ATXN7L1: variants seen among roughly 807,000 people sequenced by gnomAD.
ATXN7L1 encodes ataxin 7 like 1, also known as ataxin-7-like protein 1.
Under a neutral mutation model 70.8 loss-of-function variants are expected in ATXN7L1, and 15 were observed. That is an observed-to-expected ratio of 0.21 (90% CI 0.14 to 0.33). The LOEUF (loss-of-function observed/expected upper bound fraction) is 0.33. Ranked by LOEUF, ATXN7L1 falls within the 10% of genes least tolerant of loss-of-function variation. The pLI, the probability that ATXN7L1 is intolerant of heterozygous loss-of-function variation, is 1.00. For missense variants in ATXN7L1, 975 were observed against 1,097.1 expected, an observed-to-expected ratio of 0.89 and a Z score of 1.57; for synonymous variants, 440 against 445.1, an observed-to-expected ratio of 0.99 and a Z score of 0.14.
intron 3 of ATXN7L1, among the ~76,000 whole-genome samples, chr7:105,723,019 T>C (rs1012774127): frequency 8.5e-5 from 13 of 152,214 alleles, no homozygotes; most frequent in Admixed American, 7.2e-4. Context: ...AAGACCAGCC[T>C]GGGCAACATA....
chr7:105,641,214 CTTTTTTTTTTTTTTTTTT>C (rs561100060), intron 5 of ATXN7L1, among the ~76,000 whole-genome samples: 8 of 21,794 alleles, frequency 3.7e-4, no homozygotes, highest in East Asian at 3.2e-3. Context: ...CTCTCTCTCT[CTTTTTTTTTTTTTTTTTT>C]TTTTTTTTTT....
In ATXN7L1 at chr7:105,667,647, C is replaced by T. The variant is rs1021791773; in HGVS notation, c.356-2359G>A. 1.1e-3 allele frequency among the ~76,000 whole-genome samples: 102 copies of T among 94,270 alleles called. 8 individuals carry two copies. Among genetic ancestry groups the T allele is most frequent in the Non-Finnish European group, 1.8e-3 (78 of 43,414 alleles). 61.8% of individuals were successfully genotyped at this position (94,270 alleles called of 152,430 possible). ...CCGGGAGGCGGAGCTTGCGGTGAGC[C>T]GAGATCCCGCCACTGCACTCCAGCC... On this transcript the variant is annotated intron_variant, in intron 3 of 11. Coordinates refer to ENST00000419735, the MANE Select transcript of ATXN7L1 (RefSeq NM_020725.2).
chr7:105,822,736 T>C (rs1349831267), intron 2 of ATXN7L1, among the ~76,000 whole-genome samples: 1 of 152,218 alleles, frequency 6.6e-6, no homozygotes, highest in Non-Finnish European at 1.5e-5. Context: ...CAGTATCTCA[T>C]AGCTAAGCAA....
chr7:105,623,345 T>C (rs1249226184), intron 8 of ATXN7L1, among the ~76,000 whole-genome samples: 1 of 152,164 alleles, frequency 6.6e-6, no homozygotes, highest in African/African-American at 2.4e-5. Context: ...GGCTCTGCAA[T>C]GGCAGCACCA....
chr7:105,691,668 AAAAAGAAAAAAAAAAAG>A (rs1308186392), intron 3 of ATXN7L1: 27 of 151,860 alleles, frequency 1.8e-4, no homozygotes, highest in African/African-American at 6.3e-4. Context: ...TAAAAAAAAA[AAAAAGAAAAAAAAAAAG>A]AGAGAGAGAG....
At chr7:105,680,074 T>TAA (rs35358930) in intron 3 of ATXN7L1, among the ~76,000 whole-genome samples, 6 of 133,404 alleles carry the variant, frequency 4.5e-5, no homozygotes, top group Non-Finnish European at 6.5e-5. Flanking sequence ...TGCCTTTTAG[T>TAA]AAAAAAAAAA....
intron 3 of ATXN7L1, among the ~76,000 whole-genome samples, chr7:105,676,864 C>A (rs1244492455): frequency 1.3e-5 from 2 of 151,916 alleles, no homozygotes; most frequent in African/African-American, 2.4e-5. Context: ...AAACAAAAAA[C>A]CCCCCAAAAC....
intron 4 of ATXN7L1, among the ~76,000 whole-genome samples, chr7:105,656,847 C>T (rs533861760): frequency 3.9e-5 from 6 of 152,274 alleles, no homozygotes; most frequent in Admixed American, 3.9e-4. Context: ...GAATTACAGG[C>T]GTGAGCCACC....
intron 3 of ATXN7L1, among the ~76,000 whole-genome samples, chr7:105,737,892 G>A (rs1293114493): frequency 6.6e-6 from 1 of 152,128 alleles, no homozygotes; most frequent in Non-Finnish European, 1.5e-5. Context: ...GAGACTTGGG[G>A]CCATGAGTTC....
At chr7:105,850,946 T>C (rs1160896589) in intron 2 of ATXN7L1, among the ~76,000 whole-genome samples, 1 of 152,154 alleles carries the variant, frequency 6.6e-6, no homozygotes, top group Non-Finnish European at 1.5e-5. Context: ...TTCTTATTCC[T>C]TCCTGCTGCC....
At chr7:105,689,967 T>TA (rs1790539708) in intron 3 of ATXN7L1, among the ~76,000 whole-genome samples, 1 of 152,178 alleles carries the variant, frequency 6.6e-6, no homozygotes, top group Admixed American at 6.5e-5. Flanking sequence ...CAAGGAAGCC[T>TA]CATCATTATT....
chr7:105,858,859 G>A (rs1289045006), intron 2 of ATXN7L1, among the ~76,000 whole-genome samples: 2 of 151,870 alleles, frequency 1.3e-5, no homozygotes, highest in Admixed American at 1.3e-4. Context: ...ATTTTAAATG[G>A]CAATGTTTTA....
At chr7:105,615,858 G>A (rs1793812302) in intron 9 of ATXN7L1, among the ~76,000 whole-genome samples, 3 of 152,200 alleles carry the variant, frequency 2.0e-5, no homozygotes, top group Admixed American at 2.0e-4. Context: ...GCACTAGGCT[G>A]TGGCTTACTC....
At chr7:105,864,871 A>G (rs1190561596) in intron 2 of ATXN7L1, among the ~76,000 whole-genome samples, 1 of 152,072 alleles carries the variant, frequency 6.6e-6, no homozygotes, top group African/African-American at 2.4e-5. Flanking sequence ...TCCTGACCTC[A>G]TGATCCACCC....
intron 2 of ATXN7L1, among the ~76,000 whole-genome samples, chr7:105,818,793 G>T (rs2116558498): frequency 6.6e-6 from 1 of 152,162 alleles, no homozygotes; most frequent in South Asian, 2.1e-4. Context: ...AAAAACTGGG[G>T]TACCAGAACC....
At chr7:105,872,869 C>T (rs1377227377) in intron 2 of ATXN7L1, among the ~76,000 whole-genome samples, 1 of 151,654 alleles carries the variant, frequency 6.6e-6, no homozygotes, top group Admixed American at 6.6e-5. Flanking sequence ...AAATCGGAAC[C>T]ACCCGCCGGG....
intron 3 of ATXN7L1, among the ~76,000 whole-genome samples, chr7:105,722,560 TAAAAAAAAAAAAAAAAAAAAAA>T (rs56228890): frequency 5.8e-4 from 12 of 20,842 alleles, no homozygotes; most frequent in East Asian, 1.8e-3. Flanking sequence ...GACTCTGCCT[TAAAAAAAAAAAAAAAAAAAAAA>T]AAAAAAAAAA....
intron 3 of ATXN7L1, among the ~76,000 whole-genome samples, chr7:105,701,835 G>C (rs1362370263): frequency 6.6e-6 from 1 of 152,148 alleles, no homozygotes; most frequent in African/African-American, 2.4e-5. Flanking sequence ...CTCCTGAATA[G>C]CTGGGAATAC....
intron 2 of ATXN7L1, among the ~76,000 whole-genome samples, chr7:105,873,529 C>T (rs10230032): frequency 0.08 from 12,186 of 152,186 alleles, 1,664 homozygotes; most frequent in African/African-American, 0.27. Context: ...TGGGGGAATA[C>T]GTATTCAGTA....
Sources: gnomAD v4.1 joint callset for allele counts (sites outside exome capture counted in the v4.1 genomes callset) on GRCh38, gnomAD v4.1.1 for gene constraint, MANE v1.5 for transcripts, NCBI Gene and HGNC (gene_info 2026-07-23, HGNC 2026-07-21) for gene names.